The following CPXM2 variants were observed in gnomAD, a reference collection of about 807,000 sequenced individuals.
The protein encoded by CPXM2 is carboxypeptidase X, M14 family member 2.
In CPXM2, 66 loss-of-function variants were observed where a neutral mutation model predicts 86.1. That is an observed-to-expected ratio of 0.77 (90% CI 0.63 to 0.94). CPXM2 has a LOEUF of 0.94. CPXM2 is among the 40% of genes least tolerant of loss of function. The pLI, the probability that CPXM2 is intolerant of heterozygous loss-of-function variation, is 0.00. For synonymous variants in CPXM2, 388 were observed against 400.2 expected (o/e 0.97, Z 0.36); for missense variants, 948 against 1,026.3 (o/e 0.92, Z 1.04).
intron 2 of CPXM2, among the ~76,000 whole-genome samples, chr10:123,909,183 G>C (rs903265676): frequency 6.6e-6 from 1 of 151,784 alleles, no homozygotes; most frequent in African/African-American, 2.4e-5. Context: ...CGTGTAGCTC[G>C]GGACACGGGC....
At chr10:123,931,257 C>G (rs560765351) in intron 2 of CPXM2, among the ~76,000 whole-genome samples, 1 of 152,174 alleles carries the variant, frequency 6.6e-6, no homozygotes, top group Non-Finnish European at 1.5e-5. Flanking sequence ...AAAAAAAACC[C>G]TGGACACTGA....
At chr10:123,854,578 G>A (rs542651736) in intron 3 of CPXM2, among the ~76,000 whole-genome samples, 36 of 150,042 alleles carry the variant, frequency 2.4e-4, no homozygotes, top group East Asian at 1.4e-3. Context: ...TCAGTTTTCC[G>A]GCTGTAGATA....
chr10:123,773,656 T>C (rs1271653567), intron 7 of CPXM2, among the ~76,000 whole-genome samples: 1 of 152,128 alleles, frequency 6.6e-6, no homozygotes, highest in Non-Finnish European at 1.5e-5. Context: ...ACACAGCCAA[T>C]AAGAGGCATG....
At chr10:123,792,325 C>T (rs755709325) in intron 6 of CPXM2, among the ~76,000 whole-genome samples, 3 of 152,122 alleles carry the variant, frequency 2.0e-5, no homozygotes, top group Admixed American at 1.3e-4. Context: ...ACAGAGTCCC[C>T]GATCAGGAAT....
At chr10:123,938,192 C>A (rs141922904) in intron 2 of CPXM2, among the ~76,000 whole-genome samples, 101 of 152,280 alleles carry the variant, frequency 6.6e-4, no homozygotes, top group African/African-American at 2.4e-3. Flanking sequence ...CTTTTTAAAA[C>A]GTATGTTCTG....
rs575138296 is a variant in CPXM2, at chr10:123,864,783, C to T, written c.404-2060G>A. 1.7e-3 allele frequency among the ~76,000 whole-genome samples: 254 copies of T among 152,242 alleles called. 1 individual carries two copies. The highest frequency in any genetic ancestry group is 2.8e-3 in the Non-Finnish European group (188 of 68,020). The stretch of plus-strand genomic sequence containing the variant: ...AAACATTTCTTCCAGAAAAAGAGCA[C>T]GACTCCTATGCACGTGAGTATTTTA... On this transcript the variant is annotated intron_variant, in intron 2 of 13. Coordinates refer to ENST00000241305, the MANE Select transcript of CPXM2 (RefSeq NM_198148.3).
Position 123,746,910 on chromosome 10 carries a change from T to C in CPXM2, c.2125A>G (p.Met709Val), listed in dbSNP as rs772867825. 17 of 1,614,076 alleles carry C rather than the reference T, an allele frequency of 1.1e-5. No individual in the cohort carries two copies. Among genetic ancestry groups the C allele is most frequent in the Admixed American group, 6.7e-5 (4 of 60,006 alleles). Reference protein sequence around the residue: ...STKNCMVGYDMGATRCDFTLS... With the variant: ...STKNCMVGYDVGATRCDFTLS... ...GTGAAGTCACACCTTGTGGCCCCCATGTCATAGCCAACCATACAGTTCTTG... is the reference window on the plus strand; with the variant it reads ...GTGAAGTCACACCTTGTGGCCCCCACGTCATAGCCAACCATACAGTTCTTG... Residue 709 changes from methionine (M) to valine (V), a missense_variant, in exon 14 of 14, where the codon ATG (methionine) becomes GTG (valine). Physicochemically the swap from Met to Val is conservative, Grantham distance 21. Transcript: ENST00000241305.
At chr10:123,813,078 C>T (rs1379274228) in intron 4 of CPXM2, among the ~76,000 whole-genome samples, 1 of 152,112 alleles carries the variant, frequency 6.6e-6, no homozygotes, top group East Asian at 1.9e-4. Flanking sequence ...AGGAAAACGC[C>T]ACAACTACCT....
At chr10:123,796,156 G>A (rs1330506990) in intron 6 of CPXM2, among the ~76,000 whole-genome samples, 1 of 152,226 alleles carries the variant, frequency 6.6e-6, no homozygotes, top group African/African-American at 2.4e-5. Flanking sequence ...GCCACAGAAG[G>A]AGGCCCACAT....
chr10:123,913,958 T>G, intron 2 of CPXM2: 1 of 469,302 alleles, frequency 2.1e-6, no homozygotes, highest in South Asian at 1.5e-5. Context: ...CCATGCCTGA[T>G]GGACCAGAGT....
At chr10:123,795,731 G>T (rs1364488668) in intron 6 of CPXM2, among the ~76,000 whole-genome samples, 1 of 152,082 alleles carries the variant, frequency 6.6e-6, no homozygotes, top group Non-Finnish European at 1.5e-5. Context: ...AATATTTGGG[G>T]GGTGGAAAAT....
At chr10:123,772,368 T>C (rs1846661286) in intron 7 of CPXM2, among the ~76,000 whole-genome samples, 1 of 152,038 alleles carries the variant, frequency 6.6e-6, no homozygotes, top group African/African-American at 2.4e-5. Context: ...CTGGGTGTGG[T>C]TATCACCTCC....
At chr10:123,841,046 G>A (rs909791281) in intron 4 of CPXM2, among the ~76,000 whole-genome samples, 5 of 152,214 alleles carry the variant, frequency 3.3e-5, no homozygotes, top group African/African-American at 1.2e-4. Context: ...GCAGACGGGA[G>A]GGATCTGAGC....
At chr10:123,921,965 TC>T (rs1453844670) in intron 2 of CPXM2, among the ~76,000 whole-genome samples, 1 of 152,144 alleles carries the variant, frequency 6.6e-6, no homozygotes, top group African/African-American at 2.4e-5. Flanking sequence ...TCTCCATCCC[TC>T]CCCATGTTTC....
chr10:123,814,644 A>T (rs1174766238), intron 4 of CPXM2, among the ~76,000 whole-genome samples: 3 of 152,118 alleles, frequency 2.0e-5, no homozygotes, highest in African/African-American at 7.2e-5. Context: ...TTGGCTGCTT[A>T]ATATGATTAG....
intron 1 of CPXM2, among the ~76,000 whole-genome samples, chr10:123,882,570 G>GA (rs1399246713): frequency 6.6e-6 from 1 of 152,152 alleles, no homozygotes. Flanking sequence ...AAATATGTGA[G>GA]AAAAAAAGCC....
At chr10:123,818,214 G>A (rs1433611418) in intron 4 of CPXM2, among the ~76,000 whole-genome samples, 1 of 152,198 alleles carries the variant, frequency 6.6e-6, no homozygotes, top group East Asian at 1.9e-4. Context: ...ACATCACTCA[G>A]CATCTTTCCC....
chr10:123,768,599 T>C lies in CPXM2; in HGVS notation c.1226A>G (p.His409Arg). The C allele has an allele frequency of 1.2e-6, 2 of 1,613,980 alleles. No homozygotes were observed. The highest frequency in any genetic ancestry group is 1.7e-6 in the Non-Finnish European group (2 of 1,179,960). Reference protein sequence around the residue: ...EYLARNARIVHLVEETRIHVL... With the variant: ...EYLARNARIVRLVEETRIHVL... Reference sequence around the variant, plus strand: ...GTGAATCCGCGTCTCCTCCACCAGGTGGACGATGCGCGCATTCCGGGCCAA... The same window carrying C: ...GTGAATCCGCGTCTCCTCCACCAGGCGGACGATGCGCGCATTCCGGGCCAA... The change falls in exon 9 of 14, where the codon CAC becomes CGC. Residue 409 changes from histidine to arginine, a missense_variant. By Grantham distance (29) the His-to-Arg change is conservative (BLOSUM62 0). Coordinates refer to ENST00000241305, the MANE Select transcript of CPXM2 (RefSeq NM_198148.3).
At chr10:123,812,187 A>G (rs1847708248) in intron 4 of CPXM2, among the ~76,000 whole-genome samples, 1 of 152,210 alleles carries the variant, frequency 6.6e-6, no homozygotes, top group Non-Finnish European at 1.5e-5. Flanking sequence ...AAAATCAAAA[A>G]GAGGACAATC....
Sources: allele counts gnomAD v4.1 joint callset (sites outside exome capture counted in the v4.1 genomes callset), GRCh38; gene constraint gnomAD v4.1.1; transcripts MANE v1.5; gene names NCBI Gene and HGNC (gene_info 2026-07-23, HGNC 2026-07-21).